The following PRKN variants were observed in gnomAD, a reference collection of about 807,000 sequenced individuals.
The protein encoded by PRKN is parkin RBR E3 ubiquitin protein ligase, also known as E3 ubiquitin-protein ligase parkin.
PRKN carries 56 observed loss-of-function variants against 59.5 expected under a neutral mutation model. The ratio of observed to expected loss-of-function variants is 0.94; its 90% CI spans 0.76 to 1.18. PRKN has a LOEUF of 1.18. Among genes scored for constraint, PRKN ranks in the 50% most tolerant of loss-of-function variants. The pLI is 0.00. For synonymous variants in PRKN, 250 were observed against 222.1 expected (o/e 1.13, Z -1.12); for missense variants, 657 against 596.4 (o/e 1.10, Z -1.06).
Position 161,442,570 on chromosome 6 carries a change from C to T in PRKN, c.1084-55693G>A, listed in dbSNP as rs908607726. On this transcript the variant is annotated intron_variant, in intron 9 of 11. Transcript: ENST00000366898. The surrounding 1 kb of genome is among the most constrained non-coding windows in gnomAD (Gnocchi z 4.6). ...TAGCGTGCCGTTCCGCACCACCAAG[C>T]GGAAGGGCAGCACTGCTTGTATCTA... is the stretch of plus-strand genomic sequence containing the variant. 1.3e-5 allele frequency among the ~76,000 whole-genome samples: 2 copies of T among 152,176 alleles called. No homozygotes were observed. The highest frequency in any genetic ancestry group is 4.2e-4 in the South Asian group (2 of 4,812).
intron 2 of PRKN, among the ~76,000 whole-genome samples, chr6:162,304,324 G>A (rs1384469987): frequency 6.6e-6 from 1 of 150,726 alleles, no homozygotes; most frequent in East Asian, 1.9e-4. Flanking sequence ...CTTCACTGTA[G>A]TAAACTTTTC....
At chr6:162,519,317 G>A (rs763849604) in intron 1 of PRKN, among the ~76,000 whole-genome samples, 6 of 152,132 alleles carry the variant, frequency 3.9e-5, no homozygotes, top group Non-Finnish European at 7.4e-5. Flanking sequence ...GCTCTGTGCT[G>A]CCTTCCATGT....
rs530659201 is a variant in PRKN, at chr6:161,884,477, A to G, written c.734+88825T>C. On this transcript the variant is annotated intron_variant, in intron 6 of 11. Coordinates refer to ENST00000366898, the MANE Select transcript of PRKN (RefSeq NM_004562.3). ...AATCCAACTCTTATGTATTTAATATAATTCGACTCAAGTGCTTCAGGCCTT... is the reference window on the plus strand; with the variant it reads ...AATCCAACTCTTATGTATTTAATATGATTCGACTCAAGTGCTTCAGGCCTT... Among the ~76,000 whole-genome samples, 3 of 152,338 alleles carry G rather than the reference A, an allele frequency of 2.0e-5. No individual in the cohort carries two copies. The South Asian group carries it at 6.2e-4, about 32-fold the overall frequency.
rs1946316410 is a variant in PRKN at position 161,468,440 on chromosome 6, A to G, written c.1083+80414T>C. 6.6e-6 allele frequency among the ~76,000 whole-genome samples: 1 copy of G among 152,242 alleles called. No individual in the cohort carries two copies. The highest frequency in any genetic ancestry group is 2.4e-5 in the African/African-American group (1 of 41,470). On this transcript the variant is annotated intron_variant, in intron 9 of 11. Transcript: ENST00000366898. This position sits in a 1 kb window ranked among gnomAD's most constrained non-coding sequence, Gnocchi z 5.9. ...CCATAATAAATGTCAAATCCTACAG[A>G]GTATCCTTTAAATGGCAAGGGGGTA...
chr6:161,670,726 G>A (rs1429135469), intron 7 of PRKN, among the ~76,000 whole-genome samples: 2 of 152,186 alleles, frequency 1.3e-5, no homozygotes, highest in African/African-American at 2.4e-5. Context: ...TGAGGCAGGA[G>A]AATGGCATGA....
intron 9 of PRKN, among the ~76,000 whole-genome samples, chr6:161,508,281 C>A (rs1423595902): frequency 6.6e-6 from 1 of 152,168 alleles, no homozygotes; most frequent in Non-Finnish European, 1.5e-5. Flanking sequence ...AGATTCAAGA[C>A]CTTCTATAAA....
rs1281347014 is a variant in PRKN at position 161,703,819 on chromosome 6, ATCTCTC to A, written c.871+81947_871+81952del. ...GAATGTAAACCACATGAGGACACAC[ATCTCTC>A]TCTCTCTCTCTCTCTTTTTTTTTTT... On this transcript the variant is annotated intron_variant, in intron 7 of 11. Coordinates refer to ENST00000366898, the MANE Select transcript of PRKN (RefSeq NM_004562.3). 2.4e-3 allele frequency among the ~76,000 whole-genome samples: 325 copies of A among 136,288 alleles called. 2 individuals carry two copies. Among genetic ancestry groups the A allele is most frequent in the African/African-American group, 7.8e-3 (275 of 35,104 alleles). The allele number at this position is 136,288 out of a possible 152,430, so 89.4% of individuals were successfully genotyped here.
intron 3 of PRKN, among the ~76,000 whole-genome samples, chr6:162,209,724 T>C (rs1785112417): frequency 6.6e-6 from 1 of 152,250 alleles, no homozygotes; most frequent in Non-Finnish European, 1.5e-5. Flanking sequence ...CCATCAATGA[T>C]AGACTGGATT....
At chr6:161,573,476 T>C (rs1313095765) in intron 7 of PRKN, among the ~76,000 whole-genome samples, 2 of 151,482 alleles carry the variant, frequency 1.3e-5, no homozygotes, top group African/African-American at 4.8e-5. Flanking sequence ...ATCCCAGCAC[T>C]TTGGGAGGCA....
At chr6:162,714,565 G>C (rs1007262389) in intron 1 of PRKN, among the ~76,000 whole-genome samples, 2 of 152,120 alleles carry the variant, frequency 1.3e-5, no homozygotes, top group African/African-American at 4.8e-5. Context: ...ATCAATCACG[G>C]AGTAGCCTAG....
intron 7 of PRKN, among the ~76,000 whole-genome samples, chr6:161,681,510 C>G (rs1785362348): frequency 6.6e-6 from 1 of 151,244 alleles, no homozygotes; most frequent in Non-Finnish European, 1.5e-5. Context: ...TACTTCATTT[C>G]AATGGTTACA....
chr6:161,529,916 A>G lies in PRKN; in HGVS notation c.1083+18938T>C, dbSNP rs1779142476. 6.6e-6 allele frequency among the ~76,000 whole-genome samples: 1 copy of G among 152,174 alleles called. No homozygotes were observed. Among genetic ancestry groups the G allele is most frequent in the South Asian group, 2.1e-4 (1 of 4,830 alleles). Reference sequence around the variant, plus strand: ...TCCTTGAGGGACCAGTTCCTTTTCCACGGCATATATAATAAAATAACACAG... The same window carrying G: ...TCCTTGAGGGACCAGTTCCTTTTCCGCGGCATATATAATAAAATAACACAG... On this transcript the variant is annotated intron_variant, in intron 9 of 11. Transcript: ENST00000366898. This position sits in a 1 kb window ranked among gnomAD's most constrained non-coding sequence, Gnocchi z 4.4.
intron 2 of PRKN, among the ~76,000 whole-genome samples, chr6:162,392,823 A>G (rs1255337350): frequency 1.3e-5 from 2 of 152,158 alleles, no homozygotes; most frequent in Non-Finnish European, 1.5e-5. Flanking sequence ...CTTTATTTCT[A>G]TTACCTGTAA....
intron 1 of PRKN, among the ~76,000 whole-genome samples, chr6:162,691,391 G>C (rs1410637852): frequency 6.6e-6 from 1 of 151,982 alleles, no homozygotes; most frequent in Non-Finnish European, 1.5e-5. Flanking sequence ...CTACATAATG[G>C]ATTAGTGTCA....
intron 7 of PRKN, among the ~76,000 whole-genome samples, chr6:161,680,755 ATATATATATATATATATATATTTTT>A (rs1328286967): frequency 3.3e-3 from 59 of 18,064 alleles, no homozygotes; most frequent in East Asian, 0.017. Context: ...ATATATATAT[ATATATATATATATATATATATTTTT>A]TTTTTTTTTT....
rs573709424 is a variant in PRKN, at chr6:161,349,196, T to C, written c.*903A>G. The C allele has an allele frequency of 4.5e-6, 1 of 221,578 alleles. No individual in the cohort carries two copies. The highest frequency in any genetic ancestry group is 1.8e-4 in the South Asian group (1 of 5,422). 13.7% of individuals were successfully genotyped at this position (221,578 alleles called of 1,614,324 possible). A position where few individuals can be genotyped will look rare whatever the true frequency, so the allele number is the denominator to read the frequency against. On this transcript the variant is annotated 3_prime_UTR_variant, in exon 12 of 12. Transcript: ENST00000366898. This position sits in a 1 kb window ranked among gnomAD's most constrained non-coding sequence, Gnocchi z 5.5. ...TGAAATCATTTCTAAACGTGTTTCC[T>C]TTATAGGCACTTTATCTATTAAATT...
At chr6:161,733,050 G>C (rs984390348) in intron 7 of PRKN, among the ~76,000 whole-genome samples, 2 of 152,024 alleles carry the variant, frequency 1.3e-5, no homozygotes, top group Admixed American at 6.5e-5. Flanking sequence ...AAAACAAAAA[G>C]AAAAACGGAT....
chr6:161,771,461 T>G (rs1007932207), intron 7 of PRKN, among the ~76,000 whole-genome samples: 1 of 151,346 alleles, frequency 6.6e-6, no homozygotes, highest in African/African-American at 2.4e-5. Context: ...GGGGGAGGGA[T>G]CAGGAGTGAT....
At chr6:162,526,610 T>TA (rs1778295633) in intron 1 of PRKN, among the ~76,000 whole-genome samples, 3 of 147,234 alleles carry the variant, frequency 2.0e-5, no homozygotes, top group African/African-American at 7.4e-5. Context: ...AGATCGCGCT[T>TA]TAAAAAAAAA....
Sources: allele counts gnomAD v4.1 joint callset (sites outside exome capture counted in the v4.1 genomes callset), GRCh38; gene constraint gnomAD v4.1.1; non-coding constraint Gnocchi (gnomAD v3.1); transcripts MANE v1.5; gene names NCBI Gene and HGNC (gene_info 2026-07-23, HGNC 2026-07-21).